The following EPB41L2 variants were observed in gnomAD, a reference collection of about 807,000 sequenced individuals.
The protein encoded by EPB41L2 is band 4.1-like protein 2.
A neutral mutation model predicts 113.0 loss-of-function variants in EPB41L2; 43 were observed. The ratio of observed to expected loss-of-function variants is 0.38; its 90% CI spans 0.30 to 0.49. The LOEUF (loss-of-function observed/expected upper bound fraction) is 0.49. Ranked by LOEUF, EPB41L2 falls within the 20% of genes least tolerant of loss-of-function variation. The pLI is 0.95. For missense variants in EPB41L2, 1,147 were observed against 1,223.4 expected (o/e 0.94, Z 0.93); for synonymous variants, 442 against 436.7 (o/e 1.01, Z -0.15).
intron 5 of EPB41L2, 61 bp downstream of exon 5, chr6:130,908,760 T>TTA (rs1798462767): frequency 7.6e-7 from 1 of 1,320,420 alleles, no homozygotes; most frequent in Non-Finnish European, 1.1e-6. Flanking sequence ...TACTGATCAT[T>TTA]TATATCACAA....
At chr6:131,041,043 C>T (rs1305227721) in intron 1 of EPB41L2, among the ~76,000 whole-genome samples, 1 of 152,124 alleles carries the variant, frequency 6.6e-6, no homozygotes, top group Non-Finnish European at 1.5e-5. Context: ...AGTGACATAA[C>T]CATAATTAAA....
Position 130,869,884 on chromosome 6 carries a change from C to T in EPB41L2, c.2286G>A (p.Val762=), listed in dbSNP as rs369064114. ...GTTCCTCCCTGATGGTGCCCTCGGT[C>T]ACTCGGTGGTGGGGACGGTACTCTC... The part of the protein sequence containing the change: ...DVGEYRPHHR[V]TEGTIREEQE... Residue 762 remains valine (V), a synonymous_variant, in exon 15 of 20, where the codon GTG becomes GTA. Transcript: ENST00000337057. 2.5e-6 allele frequency: 4 copies of T among 1,612,846 alleles called. No individual in the cohort carries two copies. The African/African-American group carries it at 5.3e-5, about 22-fold the overall frequency.
intron 1 of EPB41L2, among the ~76,000 whole-genome samples, chr6:130,958,858 C>A (rs1818394299): frequency 6.6e-6 from 1 of 152,162 alleles, no homozygotes; most frequent in African/African-American, 2.4e-5. Flanking sequence ...TGAGAAGTTA[C>A]ATAAGTACTT....
rs60350565 is a variant in EPB41L2 at position 130,892,403 on chromosome 6, C to CTTTTTTTTTTTT, written c.1487+1929_1488-1938dup. Among the ~76,000 whole-genome samples, 87 of 92,606 alleles carry CTTTTTTTTTTTT rather than the reference C, an allele frequency of 9.4e-4. 2 individuals carry two copies. The highest frequency in any genetic ancestry group is 2.3e-3 in the African/African-American group (67 of 28,904). The allele number at this position is 92,606 out of a possible 152,430, so 60.8% of individuals were successfully genotyped here. On this transcript the variant is annotated intron_variant, in intron 10 of 19. Transcript: ENST00000337057. ...CTTGCCATTTCTGAACAGATTATTGCTTTTTTTTTTTTTTTTTTTATCATT... is the reference window on the plus strand; with the variant it reads ...CTTGCCATTTCTGAACAGATTATTGCTTTTTTTTTTTTTTTTTTTTTTTTTTTTTTTATCATT...
intron 3 of EPB41L2, among the ~76,000 whole-genome samples, chr6:130,930,595 GA>G (rs1290065912): frequency 6.6e-6 from 1 of 152,090 alleles, no homozygotes; most frequent in Non-Finnish European, 1.5e-5. Context: ...ACATCTGTTT[GA>G]TTCAAAAATG....
chr6:130,897,291 T>C (rs527593955), intron 8 of EPB41L2, among the ~76,000 whole-genome samples: 13 of 152,276 alleles, frequency 8.5e-5, no homozygotes, highest in African/African-American at 3.1e-4. Flanking sequence ...ACATGAAATA[T>C]GAAAAGTTCT....
chr6:131,034,144 T>C (rs17180687), intron 1 of EPB41L2, among the ~76,000 whole-genome samples: 42,762 of 152,062 alleles, frequency 0.28, 7,110 homozygotes, highest in Non-Finnish European at 0.37. Context: ...CAAGGTGTAA[T>C]ACTACTGCAA....
chr6:131,036,445 A>T (rs1793329943), intron 1 of EPB41L2, among the ~76,000 whole-genome samples: 2 of 152,150 alleles, frequency 1.3e-5, no homozygotes, highest in African/African-American at 4.8e-5. Flanking sequence ...CGGATGTAAT[A>T]AAAAAACAGC....
At chr6:130,888,087 AG>A (rs1176856867) in intron 11 of EPB41L2, among the ~76,000 whole-genome samples, 1 of 152,276 alleles carries the variant, frequency 6.6e-6, no homozygotes, top group East Asian at 1.9e-4. Flanking sequence ...TTACTTAAAA[AG>A]TAAACAGGAA....
At chr6:130,887,555 T>A (rs200114166) in intron 11 of EPB41L2, among the ~76,000 whole-genome samples, 2 of 152,100 alleles carry the variant, frequency 1.3e-5, no homozygotes, top group Admixed American at 6.5e-5. Flanking sequence ...CAGGCTTACC[T>A]CTCCCGCCAC....
intron 3 of EPB41L2, among the ~76,000 whole-genome samples, chr6:130,930,566 GATGT>G (rs1308683369): frequency 6.6e-6 from 1 of 152,162 alleles, no homozygotes; most frequent in Non-Finnish European, 1.5e-5. Context: ...CTCTAACGCA[GATGT>G]AGACACTGGT....
intron 3 of EPB41L2, among the ~76,000 whole-genome samples, chr6:130,938,032 C>T (rs1369856932): frequency 6.6e-6 from 1 of 152,174 alleles, no homozygotes; most frequent in African/African-American, 2.4e-5. Flanking sequence ...TAAAAACTAA[C>T]CAAAGTAGAA....
intron 1 of EPB41L2, among the ~76,000 whole-genome samples, chr6:130,983,992 A>C (rs1265919349): frequency 1.3e-5 from 2 of 152,212 alleles, no homozygotes. Flanking sequence ...CATATTGTAC[A>C]GCTGTACAAA....
At chr6:130,983,894 A>G (rs1562660112) in intron 1 of EPB41L2, among the ~76,000 whole-genome samples, 1 of 152,128 alleles carries the variant, frequency 6.6e-6, no homozygotes, top group Non-Finnish European at 1.5e-5. Context: ...TTTTTATTCA[A>G]TGAATTAACC....
chr6:131,043,624 AT>A (rs1794856916), intron 1 of EPB41L2, among the ~76,000 whole-genome samples: 3 of 152,302 alleles, frequency 2.0e-5, no homozygotes, highest in Admixed American at 2.0e-4. Context: ...GATTAAAGAG[AT>A]TTGAAGAGAC....
intron 1 of EPB41L2, among the ~76,000 whole-genome samples, chr6:131,059,110 A>G (rs1043684667): frequency 5.1e-5 from 5 of 97,912 alleles, no homozygotes; most frequent in Non-Finnish European, 1.1e-4. Context: ...TGGCTTACCT[A>G]TAACTTTTTT....
chr6:130,979,552 C>A, intron 1 of EPB41L2, among the ~76,000 whole-genome samples: 1 of 147,602 alleles, frequency 6.8e-6, no homozygotes, highest in South Asian at 2.2e-4. Context: ...ATCCAGGAGA[C>A]TAAGATAGAA....
At chr6:130,898,178 C>T (rs1369148011) in intron 8 of EPB41L2, among the ~76,000 whole-genome samples, 1 of 151,372 alleles carries the variant, frequency 6.6e-6, no homozygotes, top group Non-Finnish European at 1.5e-5. Flanking sequence ...ATCTTTATTT[C>T]CTTCTGTTTG....
Position 130,878,246 on chromosome 6 carries a change from A to C in EPB41L2, c.1901T>G (p.Leu634Arg), listed in dbSNP as rs1390075132. Reference sequence around the variant, plus strand: ...CAGTATGTCCTCCTGGGCCTTATCCAGTTCCTAGCAATATGTAACGTAACA... The same window carrying C: ...CAGTATGTCCTCCTGGGCCTTATCCCGTTCCTAGCAATATGTAACGTAACA... ...VRHSNLMLEE[L>R]DKAQEDILKH... is the part of the protein sequence containing the mutation. Residue 634 changes from leucine to arginine, a missense_variant, in exon 14 of 20, where the codon CTG (leucine) becomes CGG (arginine). Transcript: ENST00000337057. 7.5e-6 allele frequency: 12 copies of C among 1,606,568 alleles called. No homozygotes were observed. Among genetic ancestry groups the C allele is most frequent in the Non-Finnish European group, 1.0e-5 (12 of 1,177,514 alleles).
Sources: gnomAD v4.1 joint callset for allele counts (sites outside exome capture counted in the v4.1 genomes callset) on GRCh38, gnomAD v4.1.1 for gene constraint, MANE v1.5 for transcripts, NCBI Gene and HGNC (gene_info 2026-07-23, HGNC 2026-07-21) for gene names.